Variants in ACADVL observed in about 807,000 individuals in gnomAD.
The protein encoded by ACADVL is acyl-CoA dehydrogenase very long chain.
In ACADVL, 73 loss-of-function variants were observed where a neutral mutation model predicts 80.4. The ratio of observed to expected loss-of-function variants is 0.91; its 90% CI spans 0.75 to 1.10. The LOEUF (loss-of-function observed/expected upper bound fraction) is 1.10, where lower values mean the gene tolerates loss of function less well. ACADVL is among the 50% of genes least tolerant of loss of function. The pLI, the probability that ACADVL is intolerant of heterozygous loss-of-function variation, is 0.00. For missense variants in ACADVL, 878 were observed against 858.9 expected, an observed-to-expected ratio of 1.02 and a Z score of -0.28; for synonymous variants, 392 against 326.5, an observed-to-expected ratio of 1.20 and a Z score of -2.16.
At chr17:7,222,960 C>G in intron 10 of ACADVL, 95 bp downstream of exon 10, 1 of 1,498,860 alleles carries the variant, frequency 6.7e-7, no homozygotes, top group Middle Eastern at 2.3e-4. Flanking sequence ...ACTCCCTACA[C>G]TAGAAACTCC....
rs758504024 is a variant in ACADVL, at chr17:7,222,198, C to A, written c.774C>A (p.Ile258=). ...LWISNGGLAD[I]FTVFAKTPVT... ...ACAGTAATGGGGGCCTAGCAGACAT[C>A]TTCACGGTCTTTGCCAAGACACCAG... Residue 258 remains isoleucine, a synonymous_variant, in exon 9 of 20, where the codon ATC becomes ATA. Coordinates refer to ENST00000356839, the MANE Select transcript of ACADVL (RefSeq NM_000018.4). 1 of 1,614,178 alleles carries A rather than the reference C, an allele frequency of 6.2e-7. No homozygotes were observed. The highest frequency in any genetic ancestry group is 2.2e-5 in the East Asian group (1 of 44,886).
At chr17:7,217,376 G>C, upstream of ACADVL, 1 of 513,670 alleles carries the variant, frequency 1.9e-6, no homozygotes, top group Non-Finnish European at 3.0e-6. Context: ...GTGGAGGGGA[G>C]GGGGCTTGGG....
At position 7,222,288 on chromosome 17, in the gene ACADVL, C is replaced by T. The variant is rs753748672; in HGVS notation, c.864C>T (p.Phe288=). 20 of 1,613,742 alleles carry T rather than the reference C, an allele frequency of 1.2e-5. No individual in the cohort carries two copies. The highest frequency in any genetic ancestry group is 5.5e-5 in the South Asian group (5 of 91,074). ...CAGCTTTTGTGGTGGAGAGGGGCTT[C>T]GGGGGCATTACCCAGTGAGTGAATT... ...KITAFVVERG[F]GGITHGPPEK... Residue 288 remains phenylalanine (F), a synonymous_variant, in exon 9 of 20, where the codon TTC becomes TTT. Coordinates refer to ENST00000356839, the MANE Select transcript of ACADVL (RefSeq NM_000018.4).
chr17:7,223,938 G>A (rs749056348), intron 13 of ACADVL, 30 bp from the exon 14 acceptor site: 34 of 1,613,450 alleles, frequency 2.1e-5, no homozygotes, highest in South Asian at 4.4e-5. Flanking sequence ...ATCTCAGCAC[G>A]GGCATATAAT....
At chr17:7,221,219 C>A in intron 6 of ACADVL, 161 bp downstream of exon 6, 2 of 1,259,192 alleles carry the variant, frequency 1.6e-6, no homozygotes, top group Non-Finnish European at 2.2e-6. Flanking sequence ...ACACAATTTA[C>A]ATGCAGTCCC....
chr17:7,222,036 C>T lies in ACADVL; in HGVS notation c.707C>T (p.Pro236Leu), dbSNP rs1336637427. Residue 236 changes from proline to leucine, a missense_variant, in exon 8 of 20, where the codon CCC becomes CTC. Pro to Leu is a moderately conservative substitution (Grantham distance 98, BLOSUM62 -3). Transcript: ENST00000356839. The part of the protein sequence containing the change: ...ASIRTSAVPS[P>L]CGKYYTLNGS... The stretch of plus-strand genomic sequence containing the variant: ...ATCCGAACCTCTGCTGTGCCCAGCC[C>T]CTGTGGAAAATACTATACCCTCAAT... 4 of 1,614,006 alleles carry T rather than the reference C, an allele frequency of 2.5e-6. No homozygotes were observed. Among genetic ancestry groups the T allele is most frequent in the Non-Finnish European group, 3.4e-6 (4 of 1,180,040 alleles).
At chr17:7,223,003 G>C (rs1018199354) in intron 10 of ACADVL, 130 bp from the exon 11 acceptor site, 1 of 1,440,796 alleles carries the variant, frequency 6.9e-7, no homozygotes, top group African/African-American at 1.4e-5. Flanking sequence ...GCTAGCTTAG[G>C]TCTCCATCCA....
rs2071295244 is a variant in ACADVL, at chr17:7,222,825, CG to C, written c.1039del (p.Ala347ProfsTer6). On this transcript the variant is annotated frameshift_variant, in exon 10 of 20. Coordinates refer to ENST00000356839, the MANE Select transcript of ACADVL (RefSeq NM_000018.4). LOFTEE classifies it high-confidence loss of function. ...AACAATGGAAGGTTTGGCATGGCTG[CG>C]GCCCTGGCAGGTACCATGAGAGGCA... ...ILNNGRFGMAAALAGTMRGII... is the reference protein window; with the variant it reads ...ILNNGRFGMAXALAGTMRGII... 1 of 1,613,332 alleles carries C rather than the reference CG, an allele frequency of 6.2e-7. No homozygotes were observed. Among genetic ancestry groups the C allele is most frequent in the Non-Finnish European group, 8.5e-7 (1 of 1,179,996 alleles).
At chr17:7,221,380 CCCA>C (rs1172521672) in intron 6 of ACADVL, 155 bp from the exon 7 acceptor site, 11 of 1,324,610 alleles carry the variant, frequency 8.3e-6, no homozygotes, top group Middle Eastern at 2.5e-4. Context: ...CTTTGCACAC[CCCA>C]CTTCTTTTCT....
chr17:7,217,721 C>T (rs1374847606), upstream of ACADVL: 7 of 1,534,602 alleles, frequency 4.6e-6, no homozygotes, highest in Middle Eastern at 1.7e-4. Context: ...GGCAGGAACC[C>T]GGATAATGGG....
chr17:7,223,401 C>T (rs1453969937), intron 11 of ACADVL, 164 bp downstream of exon 11: 1 of 827,540 alleles, frequency 1.2e-6, no homozygotes, highest in Non-Finnish European at 2.1e-6. Context: ...CGAAGAGAGA[C>T]AGCAATGATG....
In ACADVL at chr17:7,222,063, G is replaced by A. The variant is rs762631117; in HGVS notation, c.734G>A (p.Gly245Glu). Residue 245 changes from glycine to glutamate, a missense_variant, in exon 8 of 20, where the codon GGA becomes GAA. Transcript: ENST00000356839. ...SPCGKYYTLN[G>E]SKLWISNGGL... Reference sequence around the variant, plus strand: ...TGTGGAAAATACTATACCCTCAATGGAAGCAAGCTTTGGATCAGGCAACCT... The same window carrying A: ...TGTGGAAAATACTATACCCTCAATGAAAGCAAGCTTTGGATCAGGCAACCT... 6.2e-7 allele frequency: 1 copy of A among 1,614,142 alleles called. No individual in the cohort carries two copies. Among genetic ancestry groups the A allele is most frequent in the South Asian group, 1.1e-5 (1 of 91,082 alleles).
rs1322311502 is a variant in ACADVL, at chr17:7,220,804, G to A, written c.316G>A (p.Val106Met). 5.6e-6 allele frequency: 9 copies of A among 1,614,022 alleles called. No homozygotes were observed. The highest frequency in any genetic ancestry group is 7.6e-6 in the Non-Finnish European group (9 of 1,180,054). ...GCAGACACAGTTTCTTAAAGAGCTG[G>A]TGGAGCCTGTGTCCCGTTTCTTCGA... ...EEQTQFLKEL[V>M]EPVSRFFEEV... Residue 106 changes from valine to methionine, a missense_variant, in exon 5 of 20, where the codon GTG (valine) becomes ATG (methionine). Transcript: ENST00000356839.
At chr17:7,219,618 T>C, upstream of ACADVL, 2 of 1,208,566 alleles carry the variant, frequency 1.7e-6, no homozygotes, top group Non-Finnish European at 1.0e-6. Flanking sequence ...TACTTTTCCC[T>C]TCTAACCCCA....
In ACADVL at chr17:7,221,558, C is replaced by T. The variant is rs370565071; in HGVS notation, c.498C>T (p.Ile166=). The change falls in exon 7 of 20, where the codon ATC becomes ATT. Residue 166 remains isoleucine, a synonymous_variant. Transcript: ENST00000356839. Reference sequence around the variant, plus strand: ...TCCAGTACGCCCGTTTGGTGGAGATCGTGGGCATGCATGACCTTGGCGTGG... The same window carrying T: ...TCCAGTACGCCCGTTTGGTGGAGATTGTGGGCATGCATGACCTTGGCGTGG... ...CNTQYARLVE[I]VGMHDLGVGI... 23 of 1,613,972 alleles carry T rather than the reference C, an allele frequency of 1.4e-5. No individual in the cohort carries two copies. Among genetic ancestry groups the T allele is most frequent in the South Asian group, 8.8e-5 (8 of 91,086 alleles).
chr17:7,222,527 T>C (rs2071279510), intron 9 of ACADVL, 140 bp from the exon 10 acceptor site: 1 of 1,169,200 alleles, frequency 8.6e-7, no homozygotes. Flanking sequence ...CCTCAGGGCC[T>C]GAGGGGAAGT....
At chr17:7,223,910 C>G in intron 13 of ACADVL, 35 bp downstream of exon 13, 1 of 1,613,716 alleles carries the variant, frequency 6.2e-7, no homozygotes, top group Non-Finnish European at 8.5e-7. Flanking sequence ...CTCGGCTGGG[C>G]CAGGGGTGGG....
chr17:7,222,321 G>A lies in ACADVL; in HGVS notation c.878+19G>A, dbSNP rs1405611766. 6.2e-7 allele frequency: 1 copy of A among 1,612,824 alleles called. No homozygotes were observed. Among genetic ancestry groups the A allele is most frequent in the Non-Finnish European group, 8.5e-7 (1 of 1,179,486 alleles). Reference sequence around the variant, plus strand: ...TTACCCAGTGAGTGAATTTGGGTTGGGGGAGCTTAGGACTGAGGGGCAGGA... The same window carrying A: ...TTACCCAGTGAGTGAATTTGGGTTGAGGGAGCTTAGGACTGAGGGGCAGGA... On this transcript the variant is annotated intron_variant, in intron 9 of 19. Coordinates refer to ENST00000356839, the MANE Select transcript of ACADVL (RefSeq NM_000018.4).
upstream of ACADVL, chr17:7,218,438 G>A: frequency 7.2e-7 from 1 of 1,389,150 alleles, no homozygotes. Context: ...GACCCTGCAT[G>A]GTGCTCCAGC....
Sources: gnomAD v4.1 joint callset for allele counts on GRCh38, gnomAD v4.1.1 for gene constraint, MANE v1.5 for transcripts, NCBI Gene and HGNC (gene_info 2026-07-23, HGNC 2026-07-21) for gene names.